LPP: variants seen among roughly 807,000 people sequenced by gnomAD.
The protein encoded by LPP is lipoma-preferred partner.
Under a neutral mutation model 60.4 loss-of-function variants are expected in LPP, and 38 were observed. That is an observed-to-expected ratio of 0.63 (90% CI 0.49 to 0.83). LPP has a LOEUF of 0.83. Ranked by LOEUF, LPP falls within the 40% of genes least tolerant of loss-of-function variation. LPP has a pLI of 0.00. For synonymous variants in LPP, 328 were observed against 290.8 expected (o/e 1.13, Z -1.30); for missense variants, 902 against 783.6 (o/e 1.15, Z -1.80).
intron 9 of LPP, among the ~76,000 whole-genome samples, chr3:188,853,098 C>T (rs755458829): frequency 4.6e-5 from 7 of 151,734 alleles, no homozygotes; most frequent in Admixed American, 1.3e-4. Context: ...TGCAGTGAGC[C>T]GAGATTGTGC....
intron 6 of LPP, among the ~76,000 whole-genome samples, chr3:188,607,418 A>ATATATAAT (rs1842732460): frequency 1.6e-4 from 6 of 38,486 alleles, no homozygotes; most frequent in Non-Finnish European, 3.2e-4. Context: ...TATATATATA[A>ATATATAAT]TTTTTTTTTC....
chr3:188,725,609 G>T (rs1246486291), intron 8 of LPP: 1 of 152,160 alleles, frequency 6.6e-6, no homozygotes, highest in Non-Finnish European at 1.5e-5. Flanking sequence ...CTCTAGATAG[G>T]AAATATATGT....
chr3:188,737,556 C>T (rs994714559), intron 8 of LPP, among the ~76,000 whole-genome samples: 1 of 152,108 alleles, frequency 6.6e-6, no homozygotes, highest in African/African-American at 2.4e-5. Flanking sequence ...CTTCTGATAC[C>T]ATCCCCCTTT....
chr3:188,711,188 A>G (rs1227423852), intron 8 of LPP: 1 of 152,252 alleles, frequency 6.6e-6, no homozygotes, highest in Admixed American at 6.5e-5. Context: ...GTAAGTAATC[A>G]TTGCCAAATG....
At chr3:188,358,551 C>T (rs1388889905) in intron 3 of LPP, among the ~76,000 whole-genome samples, 2 of 152,170 alleles carry the variant, frequency 1.3e-5, no homozygotes, top group African/African-American at 4.8e-5. Flanking sequence ...TGGGAAGTGA[C>T]TTAGTTTGGC....
chr3:188,395,495 G>A (rs1780723049), intron 3 of LPP, among the ~76,000 whole-genome samples: 1 of 152,020 alleles, frequency 6.6e-6, no homozygotes, highest in Non-Finnish European at 1.5e-5. Context: ...TCCTCCCAAA[G>A]TGCTAGGATT....
rs1769093570 is a variant in LPP, at chr3:188,875,077, T to G, written c.*598T>G. On this transcript the variant is annotated 3_prime_UTR_variant, in exon 12 of 12. Coordinates refer to ENST00000617246, the MANE Select transcript of LPP (RefSeq NM_001375462.1). The stretch of plus-strand genomic sequence containing the variant: ...AAGTTAGAACAAGCCCAAATTTAAT[T>G]TGCAACCATCAGAATTCAGAATCTA... 1 of 220,172 alleles carries G rather than the reference T, an allele frequency of 4.5e-6. No individual in the cohort carries two copies. Among genetic ancestry groups the G allele is most frequent in the African/African-American group, 2.2e-5 (1 of 44,658 alleles). 13.6% of individuals were successfully genotyped at this position (220,172 alleles called of 1,614,324 possible).
At chr3:188,745,982 C>T (rs545651859) in intron 8 of LPP, among the ~76,000 whole-genome samples, 1 of 152,308 alleles carries the variant, frequency 6.6e-6, no homozygotes, top group East Asian at 1.9e-4. Flanking sequence ...GTTGCACTTA[C>T]AACTAGCCTG....
At chr3:188,422,327 T>C (rs1788023904) in intron 4 of LPP, among the ~76,000 whole-genome samples, 1 of 152,174 alleles carries the variant, frequency 6.6e-6, no homozygotes. Context: ...AATAGTCTGT[T>C]TTCTAGTGTT....
intron 3 of LPP, among the ~76,000 whole-genome samples, chr3:188,360,997 T>C (rs1485820399): frequency 1.3e-5 from 2 of 152,234 alleles, no homozygotes. Flanking sequence ...GTTTTCTTTG[T>C]TTCTGTACAG....
At chr3:188,214,686 G>C (rs999952418) in intron 1 of LPP, among the ~76,000 whole-genome samples, 8 of 152,306 alleles carry the variant, frequency 5.3e-5, no homozygotes, top group African/African-American at 1.9e-4. Flanking sequence ...TCTGTGACCA[G>C]CTGAGGCTGG....
At chr3:188,499,900 T>G (rs1306382903) in intron 5 of LPP, among the ~76,000 whole-genome samples, 1 of 152,146 alleles carries the variant, frequency 6.6e-6, no homozygotes, top group Non-Finnish European at 1.5e-5. Flanking sequence ...TTTGCTTAAT[T>G]TCCTTTTTGA....
intron 6 of LPP, among the ~76,000 whole-genome samples, chr3:188,576,584 C>T (rs1391272770): frequency 1.3e-5 from 2 of 152,164 alleles, no homozygotes; most frequent in African/African-American, 4.8e-5. Context: ...TTTATACCAC[C>T]AAGTCACCAG....
chr3:188,407,772 T>TTTG (rs202088130), intron 4 of LPP, among the ~76,000 whole-genome samples: 43,936 of 92,862 alleles, frequency 0.47, 8,501 homozygotes, highest in South Asian at 0.68. Context: ...TTTATGGTTT[T>TTTG]TTTTTTTGTT....
rs528278944 is a variant in LPP at position 188,287,216 on chromosome 3, A to G, written c.-66-54447A>G. ...GCGCCTGGCCAAAGCACAAGTTTAA[A>G]AATTACAAGTTTCCACCAGCCTCAT... On this transcript the variant is annotated intron_variant, in intron 2 of 11. Coordinates refer to ENST00000617246, the MANE Select transcript of LPP (RefSeq NM_001375462.1). Among the ~76,000 whole-genome samples, 3 of 152,328 alleles carry G rather than the reference A, an allele frequency of 2.0e-5. No individual in the cohort carries two copies. The East Asian group carries it at 5.8e-4, about 29-fold the overall frequency.
At chr3:188,637,897 A>G (rs1357546627) in intron 7 of LPP, among the ~76,000 whole-genome samples, 3 of 151,010 alleles carry the variant, frequency 2.0e-5, no homozygotes, top group Non-Finnish European at 1.5e-5. Flanking sequence ...AAAAGAGTCC[A>G]GGACCAGATG....
intron 9 of LPP, among the ~76,000 whole-genome samples, chr3:188,780,416 C>T (rs1029173299): frequency 1.3e-5 from 2 of 152,094 alleles, no homozygotes; most frequent in African/African-American, 4.8e-5. Context: ...ACAGCTGATT[C>T]CAGAAATGGA....
Position 188,495,087 on chromosome 3 carries a change from A to ATATATATATT in LPP, c.306+10384_306+10385insATATATATTT, listed in dbSNP as rs1560478042. ...TTTTATATATATATATATATATTTT[A>ATATATATATT]TTTATATTTTATTATATATTTTTAT... On this transcript the variant is annotated intron_variant, in intron 5 of 11. Transcript: ENST00000617246. 1.5e-3 allele frequency among the ~76,000 whole-genome samples: 35 copies of ATATATATATT among 22,616 alleles called. 1 individual carries two copies. Among genetic ancestry groups the ATATATATATT allele is most frequent in the African/African-American group, 4.1e-3 (33 of 8,120 alleles). The allele number at this position is 22,616 out of a possible 152,430, so 14.8% of individuals were successfully genotyped here.
At chr3:188,195,015 T>C (rs1025365132) in intron 1 of LPP, among the ~76,000 whole-genome samples, 6 of 152,082 alleles carry the variant, frequency 3.9e-5, no homozygotes, top group African/African-American at 1.4e-4. Flanking sequence ...TCCCAGCACT[T>C]TGGGAGGCCG....
Sources: gnomAD v4.1 joint callset for allele counts (sites outside exome capture counted in the v4.1 genomes callset) on GRCh38, gnomAD v4.1.1 for gene constraint, MANE v1.5 for transcripts, NCBI Gene and HGNC (gene_info 2026-07-23, HGNC 2026-07-21) for gene names.